KIAA1671: variants seen among roughly 807,000 people sequenced by gnomAD.
KIAA1671 encodes the protein uncharacterized protein KIAA1671.
Under a neutral mutation model 131.2 loss-of-function variants are expected in KIAA1671, and 52 were observed. That is an observed-to-expected ratio of 0.40 (90% CI 0.32 to 0.50). The LOEUF (loss-of-function observed/expected upper bound fraction) is 0.50, where lower values mean the gene tolerates loss of function less well. Among genes scored for constraint, KIAA1671 ranks in the 20% least tolerant of loss-of-function variants. KIAA1671 has a pLI of 0.73. For missense variants in KIAA1671, 2,360 were observed against 2,364.2 expected (o/e 1.00, Z 0.04); for synonymous variants, 1,003 against 961.6 (o/e 1.04, Z -0.80).
chr22:25,028,262 C>G lies in KIAA1671; in HGVS notation c.263C>G (p.Ser88Trp), dbSNP rs1360461585. The G allele has an allele frequency of 6.4e-7, 1 of 1,551,586 alleles. No individual in the cohort carries two copies. The highest frequency in any genetic ancestry group is 8.7e-7 in the Non-Finnish European group (1 of 1,147,008). The change falls in exon 3 of 13, where the codon TCG becomes TGG. Residue 88 changes from serine to tryptophan, a missense_variant. Ser to Trp is a radical substitution (Grantham distance 177, BLOSUM62 -3). Transcript: ENST00000358431. ...CCTGTCCCGTCTCTGCGGCCCAGTT[C>G]GACTGGACCTTCCCCCTCTGGGGGG... ...KSPVPSLRPS[S>W]TGPSPSGGLS...
intron 1 of KIAA1671, chr22:25,011,447 G>A (rs1457194571): frequency 6.6e-6 from 1 of 150,472 alleles, no homozygotes; most frequent in Non-Finnish European, 1.5e-5. Flanking sequence ...CACCGTGCCT[G>A]GCCTAATCTT....
chr22:25,016,298 C>T (rs896933554), intron 1 of KIAA1671, among the ~76,000 whole-genome samples: 5 of 152,014 alleles, frequency 3.3e-5, no homozygotes, highest in African/African-American at 9.7e-5. Context: ...GGATTACAGG[C>T]GTGAGCCACC....
intron 1 of KIAA1671, among the ~76,000 whole-genome samples, chr22:24,959,418 G>A (rs970964412): frequency 1.3e-5 from 2 of 152,106 alleles, no homozygotes; most frequent in African/African-American, 2.4e-5. Context: ...AGCTATTCAG[G>A]AGGCTGAGGC....
At chr22:25,041,776 G>A (rs1257640758) in intron 5 of KIAA1671, among the ~76,000 whole-genome samples, 1 of 152,166 alleles carries the variant, frequency 6.6e-6, no homozygotes, top group African/African-American at 2.4e-5. Context: ...AAAGAGTCTT[G>A]CTTAGTTGCC....
intron 6 of KIAA1671, chr22:25,053,571 C>T (rs997487974): frequency 6.6e-6 from 1 of 152,136 alleles, no homozygotes; most frequent in Non-Finnish European, 1.5e-5. Flanking sequence ...TCATTTGGTT[C>T]TTGAGTTTAT....
chr22:25,093,810 CTGT>C (rs1930229868), intron 6 of KIAA1671, among the ~76,000 whole-genome samples: 1 of 111,060 alleles, frequency 9.0e-6, no homozygotes, highest in Non-Finnish European at 1.9e-5. Context: ...CTCTCTCTCT[CTGT>C]CTCTCTCTCT....
At chr22:25,096,754 C>T (rs1930408800) in intron 6 of KIAA1671, among the ~76,000 whole-genome samples, 2 of 152,202 alleles carry the variant, frequency 1.3e-5, no homozygotes, top group Admixed American at 1.3e-4. Context: ...GAGGCCTGCT[C>T]CTGCCTCTTT....
chr22:25,164,778 T>C (rs1368450214), intron 6 of KIAA1671, among the ~76,000 whole-genome samples: 3 of 152,124 alleles, frequency 2.0e-5, no homozygotes, highest in African/African-American at 7.2e-5. Flanking sequence ...TGAAACCCCC[T>C]CTCTACTAAA....
intron 6 of KIAA1671, among the ~76,000 whole-genome samples, chr22:25,149,847 T>C (rs1932975794): frequency 6.6e-6 from 1 of 152,158 alleles, no homozygotes; most frequent in Admixed American, 6.5e-5. Flanking sequence ...AACTGCTCTT[T>C]CCCTTCCCTG....
intron 1 of KIAA1671, among the ~76,000 whole-genome samples, chr22:25,005,820 A>G (rs1044602778): frequency 1.9e-4 from 29 of 152,170 alleles, no homozygotes; most frequent in African/African-American, 7.0e-4. Flanking sequence ...TGAAGCTAGA[A>G]GATCTAAGTT....
intron 6 of KIAA1671, among the ~76,000 whole-genome samples, chr22:25,089,991 A>G (rs1042477889): frequency 6.6e-6 from 1 of 152,148 alleles, no homozygotes; most frequent in Non-Finnish European, 1.5e-5. Flanking sequence ...CTAGAAGCTG[A>G]GAAGAGGGTG....
At chr22:25,185,590 T>C (rs1390554188) in intron 11 of KIAA1671, 1 of 158,728 alleles carries the variant, frequency 6.3e-6, no homozygotes, top group Non-Finnish European at 1.4e-5. Context: ...TCCTGGGCTG[T>C]TCTGTGTAGA....
chr22:25,027,064 G>T (rs1925985312), intron 2 of KIAA1671, among the ~76,000 whole-genome samples: 6 of 152,256 alleles, frequency 3.9e-5, no homozygotes, highest in Non-Finnish European at 1.5e-5. Context: ...CATAGCTCGA[G>T]ATCTCACTCA....
intron 12 of KIAA1671, among the ~76,000 whole-genome samples, chr22:25,191,619 G>A (rs1251636826): frequency 1.3e-5 from 2 of 152,168 alleles, no homozygotes; most frequent in African/African-American, 4.8e-5. Flanking sequence ...TGTAAAATGG[G>A]TTAGCAGTGT....
At chr22:25,145,735 T>C (rs1015073450) in intron 6 of KIAA1671, among the ~76,000 whole-genome samples, 6 of 152,068 alleles carry the variant, frequency 3.9e-5, no homozygotes, top group African/African-American at 1.4e-4. Flanking sequence ...GGTCAGAAGT[T>C]TGAGACCAGC....
intron 1 of KIAA1671, among the ~76,000 whole-genome samples, chr22:25,000,459 C>T (rs1924396230): frequency 1.1e-5 from 1 of 90,744 alleles, no homozygotes; most frequent in African/African-American, 4.1e-5. Flanking sequence ...TCCCAAAGTG[C>T]TGGGATTACA....
At chr22:25,006,167 G>C (rs1924740693) in intron 1 of KIAA1671, among the ~76,000 whole-genome samples, 1 of 152,048 alleles carries the variant, frequency 6.6e-6, no homozygotes, top group Admixed American at 6.6e-5. Flanking sequence ...GAGTAGCTGG[G>C]ACTACATGCG....
intron 1 of KIAA1671, among the ~76,000 whole-genome samples, chr22:25,005,346 T>TAAAAA (rs569086369): frequency 9.0e-6 from 1 of 111,504 alleles, no homozygotes; most frequent in African/African-American, 3.3e-5. Flanking sequence ...AGACTCCATC[T>TAAAAA]AAAAAAAAAA....
rs1568951375 is a variant in KIAA1671, at chr22:25,093,802, C to CTT, written c.4530+44439_4530+44440insTT. Among the ~76,000 whole-genome samples the CTT allele has an allele frequency of 6.4e-5, 9 of 141,212 alleles. 1 individual carries two copies. Among genetic ancestry groups the CTT allele is most frequent in the East Asian group, 2.1e-4 (1 of 4,826 alleles). 92.6% of individuals were successfully genotyped at this position (141,212 alleles called of 152,430 possible). ...TCTCTCTCTCTCTCTCTCTCTCTCT[C>CTT]TCTCTCTCTGTCTCTCTCTCTTTCT... On this transcript the variant is annotated intron_variant, in intron 6 of 12. Transcript: ENST00000358431.
Sources: allele counts gnomAD v4.1 joint callset (sites outside exome capture counted in the v4.1 genomes callset), GRCh38; gene constraint gnomAD v4.1.1; transcripts MANE v1.5; gene names NCBI Gene and HGNC (gene_info 2026-07-23, HGNC 2026-07-21).